CSPP1: variants seen among roughly 807,000 people sequenced by gnomAD.
The protein encoded by CSPP1 is centrosome and spindle pole-associated protein 1.
A neutral mutation model predicts 164.4 loss-of-function variants in CSPP1; 126 were observed. The ratio of observed to expected loss-of-function variants is 0.77; its 90% CI spans 0.66 to 0.89. The LOEUF (loss-of-function observed/expected upper bound fraction) is 0.89, where lower values mean the gene tolerates loss of function less well. Among genes scored for constraint, CSPP1 ranks in the 40% least tolerant of loss-of-function variants. The probability of loss-of-function intolerance (pLI) is 0.00; values close to 1 mark genes in which losing one functional copy is unlikely to be tolerated. For missense variants in CSPP1, 1,395 were observed against 1,449.8 expected, an observed-to-expected ratio of 0.96 and a Z score of 0.61; for synonymous variants, 472 against 476.7, an observed-to-expected ratio of 0.99 and a Z score of 0.13.
At chr8:67,079,770 T>C (rs1808764004) in intron 3 of CSPP1, among the ~76,000 whole-genome samples, 1 of 152,160 alleles carries the variant, frequency 6.6e-6, no homozygotes, top group Non-Finnish European at 1.5e-5. Context: ...TCTTGAAGAG[T>C]AGTTTTGAAC....
chr8:67,188,164 A>T (rs999266098), intron 28 of CSPP1, among the ~76,000 whole-genome samples: 2 of 152,250 alleles, frequency 1.3e-5, no homozygotes, highest in Non-Finnish European at 2.9e-5. Flanking sequence ...TCCAAAATAC[A>T]CAAAGAAATC....
chr8:67,099,727 A>G (rs1297645806), intron 7 of CSPP1, among the ~76,000 whole-genome samples: 2 of 152,186 alleles, frequency 1.3e-5, no homozygotes, highest in Admixed American at 6.5e-5. Context: ...TAAGTGAACT[A>G]ACAGAGCTAG....
Position 67,196,080 on chromosome 8 carries a change from GCTA to G in CSPP1, c.*490_*492del, listed in dbSNP as rs201713886. On this transcript the variant is annotated 3_prime_UTR_variant, in exon 31 of 31. Transcript: ENST00000678616. ...TAATTATTATTTCATGTCATTTGTAGCTACTGATACAGCAGAAATGAAGGGAAC... is the reference window on the plus strand; with the variant it reads ...TAATTATTATTTCATGTCATTTGTAGCTGATACAGCAGAAATGAAGGGAAC... 65 of 154,430 alleles carry G rather than the reference GCTA, an allele frequency of 4.2e-4. No homozygotes were observed. In the East Asian group the frequency reaches 8.6e-3, roughly 20 times the overall value. The allele number at this position is 154,430 out of a possible 1,614,324, so 9.6% of individuals were successfully genotyped here.
rs1818336890 is a variant in CSPP1, at chr8:67,118,376, T to C, written c.1618+7T>C. ...GATCCCAGTCTTGCTTATTGTAAGT[T>C]ATCTATAGGGTAAGCATTTTCTCCC... On this transcript the variant is annotated splice_region_variant and intron_variant, in intron 14 of 30. Coordinates refer to ENST00000678616, the MANE Select transcript of CSPP1 (RefSeq NM_001382391.1). 7 of 1,613,468 alleles carry C rather than the reference T, an allele frequency of 4.3e-6. No individual in the cohort carries two copies. Among genetic ancestry groups the C allele is most frequent in the Non-Finnish European group, 5.9e-6 (7 of 1,179,556 alleles).
chr8:67,164,118 G>A (rs370370636), intron 23 of CSPP1, among the ~76,000 whole-genome samples: 2 of 152,148 alleles, frequency 1.3e-5, no homozygotes, highest in African/African-American at 4.8e-5. Flanking sequence ...TTCCATCACC[G>A]TAAAGGAACT....
intron 1 of CSPP1, among the ~76,000 whole-genome samples, chr8:67,065,818 TGTGCCC>T (rs1251791729): frequency 6.6e-6 from 1 of 152,194 alleles, no homozygotes; most frequent in Non-Finnish European, 1.5e-5. Context: ...CCTGAGCCAT[TGTGCCC>T]GTTCAAGTTT....
At chr8:67,137,154 G>A (rs946973953) in intron 16 of CSPP1, among the ~76,000 whole-genome samples, 3 of 151,818 alleles carry the variant, frequency 2.0e-5, no homozygotes, top group Non-Finnish European at 4.4e-5. Context: ...GCTAATTTTT[G>A]TATTTTTAGT....
intron 1 of CSPP1, among the ~76,000 whole-genome samples, chr8:67,065,240 C>T (rs1368106556): frequency 6.6e-6 from 1 of 152,164 alleles, no homozygotes; most frequent in African/African-American, 2.4e-5. Context: ...CCTCTTGTTT[C>T]TAACTGCCTT....
rs1821317668 is a variant in CSPP1, at chr8:67,131,934, TTG to T, written c.1698-13_1698-12del. 1 of 1,571,426 alleles carries T rather than the reference TTG, an allele frequency of 6.4e-7. No individual in the cohort carries two copies. Among genetic ancestry groups the T allele is most frequent in the Admixed American group, 1.9e-5 (1 of 53,322 alleles). Reference sequence around the variant, plus strand: ...GTCGTCAATGGATTTAAATTATTTATTGTGTATTTGATGTAGGAATACGGTTG... The same window carrying T: ...GTCGTCAATGGATTTAAATTATTTATTGTATTTGATGTAGGAATACGGTTG... On this transcript the variant is annotated splice_polypyrimidine_tract_variant and intron_variant, in intron 15 of 30. Coordinates refer to ENST00000678616, the MANE Select transcript of CSPP1 (RefSeq NM_001382391.1).
chr8:67,107,945 A>T (rs1004546536), intron 9 of CSPP1, among the ~76,000 whole-genome samples: 5 of 141,192 alleles, frequency 3.5e-5, no homozygotes, highest in Non-Finnish European at 6.1e-5. Flanking sequence ...AATTAGATTA[A>T]TTTCAGTTAT....
intron 25 of CSPP1, 44 bp from the exon 26 acceptor site, chr8:67,175,252 A>T (rs770162804): frequency 6.8e-7 from 1 of 1,476,314 alleles, no homozygotes; most frequent in East Asian, 2.3e-5. Context: ...ATCCCATTTG[A>T]AAACAACATT....
Position 67,069,701 on chromosome 8 carries a change from C to T in CSPP1, c.-10-4542C>T, listed in dbSNP as rs192402179. Reference sequence around the variant, plus strand: ...TGAGATGGAGTCTCACTCTGTTGCCCAGACTGGAGTGCAGTGGCATGATCT... The same window carrying T: ...TGAGATGGAGTCTCACTCTGTTGCCTAGACTGGAGTGCAGTGGCATGATCT... On this transcript the variant is annotated intron_variant, in intron 1 of 30. Coordinates refer to ENST00000678616, the MANE Select transcript of CSPP1 (RefSeq NM_001382391.1). Among the ~76,000 whole-genome samples, 224 of 150,092 alleles carry T rather than the reference C, an allele frequency of 1.5e-3. 1 individual carries two copies. The highest frequency in any genetic ancestry group is 1.9e-3 in the Admixed American group (29 of 15,050).
At position 67,145,519 on chromosome 8, in the gene CSPP1, TC is replaced by T. The variant is rs1249856060; in HGVS notation, c.1976-4263del. 2.6e-4 allele frequency among the ~76,000 whole-genome samples: 40 copies of T among 151,672 alleles called. No individual in the cohort carries two copies. The South Asian group carries it at 8.1e-3, about 31-fold the overall frequency. ...ACTTTTCTCCCTTTTCTAATTTCTTTCTTTTTTTTTTGTTTTTGTTTTGAGA... is the reference window on the plus strand; with the variant it reads ...ACTTTTCTCCCTTTTCTAATTTCTTTTTTTTTTTTTGTTTTTGTTTTGAGA... On this transcript the variant is annotated intron_variant, in intron 17 of 30. Coordinates refer to ENST00000678616, the MANE Select transcript of CSPP1 (RefSeq NM_001382391.1).
chr8:67,189,900 T>C (rs949378721), intron 28 of CSPP1, among the ~76,000 whole-genome samples: 2 of 152,178 alleles, frequency 1.3e-5, no homozygotes, highest in Non-Finnish European at 2.9e-5. Context: ...TATTTGTCCA[T>C]GTCAAATTAG....
intron 1 of CSPP1, among the ~76,000 whole-genome samples, chr8:67,072,869 C>CAAAAAAAA (rs58087584): frequency 8.7e-4 from 51 of 58,338 alleles, no homozygotes; most frequent in Middle Eastern, 8.5e-3. Context: ...GAGCCTGTCT[C>CAAAAAAAA]AAAAAAAAAA....
chr8:67,096,240 A>G (rs894943389), intron 7 of CSPP1, among the ~76,000 whole-genome samples: 23 of 152,222 alleles, frequency 1.5e-4, no homozygotes, highest in African/African-American at 4.1e-4. Context: ...ATAACTTGAC[A>G]TAAAACCAGG....
At chr8:67,140,456 A>G (rs1394880285) in intron 17 of CSPP1, among the ~76,000 whole-genome samples, 1 of 152,008 alleles carries the variant, frequency 6.6e-6, no homozygotes, top group East Asian at 1.9e-4. Flanking sequence ...CTCATGAATA[A>G]TTTTCTCACA....
chr8:67,101,080 T>G (rs1212188385), intron 7 of CSPP1, among the ~76,000 whole-genome samples: 1 of 152,180 alleles, frequency 6.6e-6, no homozygotes, highest in African/African-American at 2.4e-5. Flanking sequence ...TCTCTCCCAG[T>G]GGTGTCACAC....
chr8:67,186,683 A>G (rs1029996433), intron 28 of CSPP1, among the ~76,000 whole-genome samples: 7 of 152,202 alleles, frequency 4.6e-5, no homozygotes, highest in Non-Finnish European at 8.8e-5. Context: ...TATTAGCAGT[A>G]AGGCAGAAAA....
Sources: gnomAD v4.1 joint callset for allele counts (sites outside exome capture counted in the v4.1 genomes callset) on GRCh38, gnomAD v4.1.1 for gene constraint, MANE v1.5 for transcripts, NCBI Gene and HGNC (gene_info 2026-07-23, HGNC 2026-07-21) for gene names.